MCM8: variants seen among roughly 807,000 people sequenced by gnomAD.
The protein encoded by MCM8 is DNA helicase MCM8.
In MCM8, 85 loss-of-function variants were observed where a neutral mutation model predicts 98.9. The observed-to-expected ratio is 0.86, with a 90% CI of 0.72 to 1.03. The LOEUF (loss-of-function observed/expected upper bound fraction) is 1.03. Among genes scored for constraint, MCM8 ranks in the 50% least tolerant of loss-of-function variants. The pLI, the probability that MCM8 is intolerant of heterozygous loss-of-function variation, is 0.00. For missense variants in MCM8, 951 were observed against 997.8 expected (o/e 0.95, Z 0.63); for synonymous variants, 352 against 338.6 (o/e 1.04, Z -0.44).
intron 11 of MCM8, chr20:5,972,704 G>A (rs768426546): frequency 7.0e-6 from 9 of 1,281,946 alleles, no homozygotes; most frequent in Non-Finnish European, 9.2e-6. Flanking sequence ...ACAGGCATGC[G>A]CCACCAGACC....
chr20:5,955,319 G>T (rs2088948903), intron 5 of MCM8, 68 bp downstream of exon 5: 18 of 1,425,122 alleles, frequency 1.3e-5, no homozygotes, highest in Non-Finnish European at 1.7e-5. Context: ...TGCACACCTT[G>T]TCTAAGTTTA....
At chr20:5,969,572 A>G (rs2089355806) in intron 10 of MCM8, among the ~76,000 whole-genome samples, 1 of 150,386 alleles carries the variant, frequency 6.6e-6, no homozygotes, top group South Asian at 2.1e-4. Context: ...AGCCTGAGCA[A>G]CAGAGCAAGA....
rs1017193134 is a variant in MCM8, at chr20:5,955,088, T to G, written c.337-14T>G. The G allele has an allele frequency of 3.9e-6, 6 of 1,554,154 alleles. No homozygotes were observed. The highest frequency in any genetic ancestry group is 5.3e-6 in the Non-Finnish European group (6 of 1,133,044). On this transcript the variant is annotated splice_polypyrimidine_tract_variant and intron_variant, in intron 4 of 18. Transcript: ENST00000610722. The stretch of plus-strand genomic sequence containing the variant: ...GAAAAGCAATTATTGTTTTCATACT[T>G]TTATATTTTATAGGATGAAATAGAA...
At position 5,967,542 on chromosome 20, in the gene MCM8, A is replaced by C. The variant is rs1266764610; in HGVS notation, c.982A>C (p.Thr328Pro). The change falls in exon 9 of 19, where the codon ACA becomes CCA. Residue 328 changes from threonine to proline, a missense_variant. Thr to Pro is a conservative substitution (Grantham distance 38, BLOSUM62 -1). Coordinates refer to ENST00000610722, the MANE Select transcript of MCM8 (RefSeq NM_032485.6). ...TGTGGATAGCTGTGTCCCGGGAGAC[A>C]CAGTGACTATTACTGGAATTGTCAA... ...DLVDSCVPGD[T>P]VTITGIVKVS... is the part of the protein sequence containing the mutation. 1 of 1,613,972 alleles carries C rather than the reference A, an allele frequency of 6.2e-7. No individual in the cohort carries two copies. Among genetic ancestry groups the C allele is most frequent in the Non-Finnish European group, 8.5e-7 (1 of 1,179,856 alleles).
At chr20:5,966,844 T>A (rs1014477704) in intron 8 of MCM8, among the ~76,000 whole-genome samples, 20 of 152,228 alleles carry the variant, frequency 1.3e-4, no homozygotes, top group African/African-American at 4.8e-4. Flanking sequence ...GATGGGTTTG[T>A]TTCCTTAGAA....
intron 8 of MCM8, 111 bp from the exon 9 acceptor site, chr20:5,967,325 A>G (rs1232207007): frequency 1.1e-6 from 1 of 875,854 alleles, no homozygotes; most frequent in African/African-American, 1.7e-5. Context: ...AACTGTTAAT[A>G]AGCAAATCTG....
At position 5,994,717 on chromosome 20, in the gene MCM8, A is replaced by G; in HGVS notation, c.*326A>G. 1 of 465,780 alleles carries G rather than the reference A, an allele frequency of 2.1e-6. No homozygotes were observed. 28.9% of individuals were successfully genotyped at this position (465,780 alleles called of 1,614,324 possible). A position where few individuals can be genotyped will look rare whatever the true frequency, so the allele number is the denominator to read the frequency against. On this transcript the variant is annotated 3_prime_UTR_variant, in exon 19 of 19. Transcript: ENST00000610722. ...GTTCGAGACCAACCTTGGGCAACAT[A>G]GCAAGACCCCATTTCTTAAAAAAAA...
chr20:5,960,480 C>G (rs1341438450), intron 7 of MCM8, among the ~76,000 whole-genome samples: 5 of 152,114 alleles, frequency 3.3e-5, no homozygotes, highest in Admixed American at 3.3e-4. Context: ...TTTATACATT[C>G]TAGATACTAA....
chr20:5,971,645 A>G (rs925250812), intron 10 of MCM8, among the ~76,000 whole-genome samples: 3 of 152,214 alleles, frequency 2.0e-5, no homozygotes, highest in African/African-American at 7.2e-5. Flanking sequence ...TTGGCTGCAC[A>G]GTCTCAAGAT....
intron 13 of MCM8, among the ~76,000 whole-genome samples, chr20:5,979,163 A>C (rs1284126082): frequency 1.3e-5 from 2 of 152,146 alleles, no homozygotes; most frequent in African/African-American, 4.8e-5. Context: ...GACACAGTTA[A>C]TCACTCCCTC....
intron 17 of MCM8, among the ~76,000 whole-genome samples, chr20:5,990,436 G>C (rs944736009): frequency 2.0e-5 from 3 of 152,090 alleles, no homozygotes; most frequent in Non-Finnish European, 4.4e-5. Context: ...TAGGGTTTGA[G>C]GGATCTTGTA....
In MCM8 at chr20:5,993,559, A is replaced by G. The variant is rs755739407; in HGVS notation, c.2294A>G (p.Gln765Arg). The stretch of plus-strand genomic sequence containing the variant: ...GGGAACCTAGATTTTGAGCGATCCC[A>G]GCATGGTTCTGGAATGAGCAACAGG... ...EFGNLDFERS[Q>R]HGSGMSNRST... is the part of the protein sequence containing the mutation. Residue 765 changes from glutamine to arginine, a missense_variant, in exon 18 of 19, where the codon CAG (glutamine) becomes CGG (arginine). Coordinates refer to ENST00000610722, the MANE Select transcript of MCM8 (RefSeq NM_032485.6). 2 of 1,604,092 alleles carry G rather than the reference A, an allele frequency of 1.2e-6. No homozygotes were observed. Among genetic ancestry groups the G allele is most frequent in the African/African-American group, 2.7e-5 (2 of 74,966 alleles).
chr20:5,983,238 A>T, intron 14 of MCM8, 73 bp downstream of exon 14: 3 of 1,243,918 alleles, frequency 2.4e-6, no homozygotes, highest in African/African-American at 1.5e-5. Context: ...GAAATAGTTC[A>T]CAGAACTACA....
chr20:5,985,150 A>G (rs6139884), intron 15 of MCM8, 150 bp downstream of exon 15: 55,430 of 673,078 alleles, frequency 0.082, 2,599 homozygotes, highest in Non-Finnish European at 0.096. Flanking sequence ...ACTTCATCTG[A>G]AATAATCCAA....
intron 8 of MCM8, chr20:5,965,314 A>G (rs987262584): frequency 1.3e-5 from 2 of 152,114 alleles, no homozygotes; most frequent in African/African-American, 2.4e-5. Flanking sequence ...CCTTAGCAAA[A>G]AACCTAGCAC....
At chr20:5,971,810 T>A (rs553050704) in intron 10 of MCM8, among the ~76,000 whole-genome samples, 197 bp from the exon 11 acceptor site, 5 of 152,332 alleles carry the variant, frequency 3.3e-5, no homozygotes, top group Non-Finnish European at 5.9e-5. Context: ...GCAGAGTTTT[T>A]AAAAAATTCT....
intron 3 of MCM8, 47 bp from the exon 4 acceptor site, chr20:5,954,561 A>G (rs186379526): frequency 2.8e-6 from 3 of 1,076,986 alleles, no homozygotes; most frequent in East Asian, 2.4e-5. Flanking sequence ...AAAAATGTGC[A>G]TGTACCTGTG....
chr20:5,981,907 C>T (rs1389419253), intron 13 of MCM8, among the ~76,000 whole-genome samples: 1 of 152,076 alleles, frequency 6.6e-6, no homozygotes, highest in East Asian at 1.9e-4. Flanking sequence ...ATAAAATTGA[C>T]ACTGCTGAAT....
At position 5,998,345 on chromosome 20, in the gene MCM8, G is replaced by C. The variant is rs530868415; in HGVS notation, c.*3954G>C. ...GATGTGAATTGGGTTCCACTGATCAGACACCCATGTGTGAGATTTGGAATG... is the reference window on the plus strand; with the variant it reads ...GATGTGAATTGGGTTCCACTGATCACACACCCATGTGTGAGATTTGGAATG... On this transcript the variant is annotated 3_prime_UTR_variant, in exon 19 of 19. Transcript: ENST00000610722. 7 of 152,314 alleles carry C rather than the reference G, an allele frequency of 4.6e-5. No individual in the cohort carries two copies. The highest frequency in any genetic ancestry group is 1.7e-4 in the African/African-American group (7 of 41,568). 9.4% of individuals were successfully genotyped at this position (152,314 alleles called of 1,614,324 possible).
Sources: allele counts gnomAD v4.1 joint callset (sites outside exome capture counted in the v4.1 genomes callset), GRCh38; gene constraint gnomAD v4.1.1; transcripts MANE v1.5; gene names NCBI Gene and HGNC (gene_info 2026-07-23, HGNC 2026-07-21).